PLCB4: variants seen among roughly 807,000 people sequenced by gnomAD.
PLCB4 encodes 1-phosphatidylinositol 4,5-bisphosphate phosphodiesterase beta-4.
Under a neutral mutation model 178.8 loss-of-function variants are expected in PLCB4, and 77 were observed. That is an observed-to-expected ratio of 0.43 (90% CI 0.36 to 0.52). The LOEUF (loss-of-function observed/expected upper bound fraction) is 0.52, where lower values mean the gene tolerates loss of function less well. Ranked by LOEUF, PLCB4 falls within the 20% of genes least tolerant of loss-of-function variation. The pLI is 0.00. For missense variants in PLCB4, 1,024 were observed against 1,453.4 expected (o/e 0.70, Z 4.80); for synonymous variants, 496 against 490.8 (o/e 1.01, Z -0.14).
intron 30 of PLCB4, 87 bp from the exon 31 acceptor site, chr20:9,443,894 G>T: frequency 1.3e-6 from 1 of 752,826 alleles, no homozygotes. Flanking sequence ...GTCTTTCGAT[G>T]AGATTTCGAT....
intron 4 of PLCB4, among the ~76,000 whole-genome samples, chr20:9,331,560 C>T (rs994120226): frequency 6.6e-6 from 1 of 152,212 alleles, no homozygotes; most frequent in Non-Finnish European, 1.5e-5. Context: ...CCACTTCAAT[C>T]AGAGTATTTG....
At position 9,437,013 on chromosome 20, in the gene PLCB4, C is replaced by G; in HGVS notation, c.2625C>G (p.Ala875=). The change falls in exon 30 of 40, where the codon GCC becomes GCG. Residue 875 remains alanine (A), a synonymous_variant. Coordinates refer to ENST00000378473, the MANE Select transcript of PLCB4 (RefSeq NM_001377142.1). ...RAMGIETSDI[A]DVPSDTSKND... ...TGTTTCTGTTCCAGAGTGACATAGC[C>G]GACGTGCCCAGTGACACTTCCAAAA... 6.2e-7 allele frequency: 1 copy of G among 1,613,850 alleles called. No individual in the cohort carries two copies. Among genetic ancestry groups the G allele is most frequent in the Non-Finnish European group, 8.5e-7 (1 of 1,179,894 alleles).
intron 25 of PLCB4, among the ~76,000 whole-genome samples, chr20:9,416,107 G>A (rs78718614): frequency 0.016 from 2,379 of 152,260 alleles, 64 homozygotes; most frequent in African/African-American, 0.054. Flanking sequence ...CCATTTCACC[G>A]GAGCATGCCT....
At chr20:9,429,232 T>G (rs1237988825) in intron 28 of PLCB4, among the ~76,000 whole-genome samples, 2 of 152,196 alleles carry the variant, frequency 1.3e-5, no homozygotes, top group Non-Finnish European at 2.9e-5. Context: ...CTACATGGGT[T>G]CTGCAGAGTC....
At chr20:9,227,091 C>CTG (rs1220321061) in intron 3 of PLCB4, among the ~76,000 whole-genome samples, 1 of 151,882 alleles carries the variant, frequency 6.6e-6, no homozygotes. Flanking sequence ...CACTTGCTTG[C>CTG]TGATCATTTA....
chr20:9,092,079 C>T (rs1165949544), intron 1 of PLCB4, among the ~76,000 whole-genome samples: 3 of 152,186 alleles, frequency 2.0e-5, no homozygotes, highest in African/African-American at 7.2e-5. Context: ...CTTCAGCCCT[C>T]GAGAGGTATT....
intron 3 of PLCB4, among the ~76,000 whole-genome samples, chr20:9,262,355 C>T (rs1026623273): frequency 3.3e-5 from 5 of 151,862 alleles, no homozygotes; most frequent in Admixed American, 1.3e-4. Context: ...GAGAAGAGGG[C>T]GGAATTTATA....
intron 35 of PLCB4, among the ~76,000 whole-genome samples, chr20:9,461,420 A>G (rs943720572): frequency 1.3e-5 from 2 of 152,222 alleles, no homozygotes; most frequent in Non-Finnish European, 2.9e-5. Context: ...CAGTGGGTGC[A>G]GCCCAAGAAG....
intron 1 of PLCB4, among the ~76,000 whole-genome samples, chr20:9,085,956 A>G (rs1420129277): frequency 6.6e-6 from 1 of 152,206 alleles, no homozygotes; most frequent in Non-Finnish European, 1.5e-5. Context: ...CTCTTTGGTT[A>G]TTATAACCAC....
chr20:9,107,294 G>A (rs974324681), intron 2 of PLCB4, among the ~76,000 whole-genome samples: 1 of 152,158 alleles, frequency 6.6e-6, no homozygotes, highest in Non-Finnish European at 1.5e-5. Flanking sequence ...ATCTCAGCTT[G>A]CAGCTTAAAT....
At chr20:9,398,506 A>C (rs2038776115) in intron 19 of PLCB4, among the ~76,000 whole-genome samples, 1 of 152,196 alleles carries the variant, frequency 6.6e-6, no homozygotes, top group South Asian at 2.1e-4. Flanking sequence ...AATTTCATAG[A>C]TGGTAATTAA....
intron 20 of PLCB4, 142 bp downstream of exon 20, chr20:9,401,732 A>G (rs938981525): frequency 1.1e-5 from 7 of 617,618 alleles, no homozygotes; most frequent in Non-Finnish European, 2.0e-5. Context: ...GTGCTGGGTG[A>G]CCAGAACTTG....
Position 9,154,240 on chromosome 20 carries a change from T to A in PLCB4, c.-79+57898T>A, listed in dbSNP as rs2092742417. The stretch of plus-strand genomic sequence containing the variant: ...TACTCTTAAGTTCCATATAACACTT[T>A]AAAAAAATTTTTCTTGACCAATATT... On this transcript the variant is annotated intron_variant, in intron 2 of 39. Transcript: ENST00000378473. Among the ~76,000 whole-genome samples, 4 of 152,110 alleles carry A rather than the reference T, an allele frequency of 2.6e-5. No individual in the cohort carries two copies. The South Asian group carries it at 8.3e-4, about 32-fold the overall frequency.
intron 2 of PLCB4, among the ~76,000 whole-genome samples, chr20:9,186,414 G>A (rs767607888): frequency 2.6e-5 from 4 of 152,082 alleles, no homozygotes; most frequent in African/African-American, 7.2e-5. Flanking sequence ...TAATTGGCAC[G>A]AGGCTCTTTT....
intron 2 of PLCB4, among the ~76,000 whole-genome samples, chr20:9,114,769 G>A (rs1420202029): frequency 1.3e-5 from 2 of 152,158 alleles, no homozygotes; most frequent in African/African-American, 2.4e-5. Flanking sequence ...GGCACCTGGG[G>A]AGGATTAACA....
intron 2 of PLCB4, among the ~76,000 whole-genome samples, chr20:9,161,096 A>T (rs945010144): frequency 6.6e-6 from 1 of 152,194 alleles, no homozygotes; most frequent in Non-Finnish European, 1.5e-5. Flanking sequence ...GTTATTTGAG[A>T]TATGTAAAAG....
chr20:9,446,422 C>G (rs2042418100), intron 32 of PLCB4, among the ~76,000 whole-genome samples: 1 of 152,194 alleles, frequency 6.6e-6, no homozygotes, highest in Non-Finnish European at 1.5e-5. Context: ...ATTATCAGGA[C>G]TGTGACTAAG....
intron 3 of PLCB4, among the ~76,000 whole-genome samples, chr20:9,237,078 G>GA (rs1199333584): frequency 3.3e-5 from 5 of 151,764 alleles, no homozygotes; most frequent in Admixed American, 6.6e-5. Flanking sequence ...GAGAATGAAT[G>GA]AAAAAAAAGA....
chr20:9,172,961 G>T (rs1442527984), intron 2 of PLCB4, among the ~76,000 whole-genome samples: 2 of 152,116 alleles, frequency 1.3e-5, no homozygotes, highest in Admixed American at 1.3e-4. Flanking sequence ...TGACTCCATA[G>T]TGCAGGTTGA....
Sources: allele counts gnomAD v4.1 joint callset (sites outside exome capture counted in the v4.1 genomes callset), GRCh38; gene constraint gnomAD v4.1.1; transcripts MANE v1.5; gene names NCBI Gene and HGNC (gene_info 2026-07-23, HGNC 2026-07-21).